The following DNAAF9 variants were observed in gnomAD, a reference collection of about 807,000 sequenced individuals.
DNAAF9 encodes shulin.
DNAAF9 carries 90 observed loss-of-function variants against 167.0 expected under a neutral mutation model. The observed-to-expected ratio is 0.54, with a 90% CI of 0.45 to 0.64. DNAAF9 has a LOEUF of 0.64. Among genes scored for constraint, DNAAF9 ranks in the 30% least tolerant of loss-of-function variants. DNAAF9 has a pLI of 0.00. For synonymous variants in DNAAF9, 491 were observed against 508.8 expected (o/e 0.96, Z 0.47); for missense variants, 1,315 against 1,442.2 (o/e 0.91, Z 1.43).
In DNAAF9 at chr20:3,375,236, G is replaced by T. The variant is rs560831250; in HGVS notation, c.409-110C>A. 3 of 711,458 alleles carry T rather than the reference G, an allele frequency of 4.2e-6. No individual in the cohort carries two copies. In the African/African-American group the frequency reaches 5.3e-5, roughly 13 times the overall value. The allele number at this position is 711,458 out of a possible 1,614,324, so 44.1% of individuals were successfully genotyped here. Reference sequence around the variant, plus strand: ...GTTGTCCCAAATGACATTTACAGAGGACTGCACCCAAGGAGGTGTTTCCAA... The same window carrying T: ...GTTGTCCCAAATGACATTTACAGAGTACTGCACCCAAGGAGGTGTTTCCAA... On this transcript the variant is annotated intron_variant, in intron 4 of 36. Coordinates refer to ENST00000252032, the MANE Select transcript of DNAAF9 (RefSeq NM_001009984.3).
Position 3,363,633 on chromosome 20 carries a change from G to A in DNAAF9, c.613-4040C>T, listed in dbSNP as rs6051796. Among the ~76,000 whole-genome samples, 986 of 151,634 alleles carry A rather than the reference G, an allele frequency of 6.5e-3. 9 individuals are homozygous for A. The highest frequency in any genetic ancestry group is 0.023 in the African/African-American group (943 of 41,282). Reference sequence around the variant, plus strand: ...TTAGGGAAGCAGAAGCAGGAGGACAGTATGAGCCCAGGAGTTCAAGACCTG... The same window carrying A: ...TTAGGGAAGCAGAAGCAGGAGGACAATATGAGCCCAGGAGTTCAAGACCTG... On this transcript the variant is annotated intron_variant, in intron 6 of 36. Transcript: ENST00000252032.
intron 2 of DNAAF9, 29 bp from the exon 3 acceptor site, chr20:3,381,527 T>G (rs370599874): frequency 6.2e-7 from 1 of 1,606,844 alleles, no homozygotes; most frequent in South Asian, 1.1e-5. Context: ...TCTGATCAGC[T>G]GTACCATACT....
intron 30 of DNAAF9, among the ~76,000 whole-genome samples, chr20:3,266,569 C>T (rs1435502878): frequency 6.6e-6 from 1 of 152,088 alleles, no homozygotes; most frequent in African/African-American, 2.4e-5. Flanking sequence ...GCTCCGCCTC[C>T]CAGGTTTACG....
chr20:3,321,589 G>C (rs770484193), intron 16 of DNAAF9, among the ~76,000 whole-genome samples: 32 of 152,118 alleles, frequency 2.1e-4, no homozygotes, highest in Non-Finnish European at 1.9e-4. Flanking sequence ...TGTTTTCTGA[G>C]ACTAAATCTC....
At chr20:3,279,573 A>C (rs2068731786) in intron 28 of DNAAF9, among the ~76,000 whole-genome samples, 1 of 152,210 alleles carries the variant, frequency 6.6e-6, no homozygotes, top group Non-Finnish European at 1.5e-5. Context: ...AAACATCATA[A>C]GGCCTGTCTC....
At chr20:3,406,505 C>T (rs1458187631) in intron 1 of DNAAF9, among the ~76,000 whole-genome samples, 1 of 152,122 alleles carries the variant, frequency 6.6e-6, no homozygotes, top group African/African-American at 2.4e-5. Flanking sequence ...CTGCTGCAAC[C>T]CCTCCATCAT....
chr20:3,382,702 G>A (rs1430627778), intron 1 of DNAAF9, among the ~76,000 whole-genome samples, 196 bp from the exon 2 acceptor site: 1 of 152,160 alleles, frequency 6.6e-6, no homozygotes, highest in Admixed American at 6.5e-5. Context: ...TTCTGGAAGA[G>A]GTTGTGCAGA....
intron 1 of DNAAF9, among the ~76,000 whole-genome samples, chr20:3,399,737 T>G (rs920230036): frequency 2.2e-4 from 33 of 152,088 alleles, no homozygotes; most frequent in African/African-American, 7.7e-4. Flanking sequence ...ATCATGGAGC[T>G]ATGGTGAATA....
chr20:3,375,049 G>T lies in DNAAF9; in HGVS notation c.486C>A (p.Gly162=). The change falls in exon 5 of 37, where the codon GGC becomes GGA. Residue 162 remains glycine (G), a synonymous_variant. Coordinates refer to ENST00000252032, the MANE Select transcript of DNAAF9 (RefSeq NM_001009984.3). ...VDMVRDCSRI[G]IPYSSQGHLQ... ...ACTCACCTTGGGAGCTGTAAGGAATGCCAATTCTACTACAGTCTCGAACCA... is the reference window on the plus strand; with the variant it reads ...ACTCACCTTGGGAGCTGTAAGGAATTCCAATTCTACTACAGTCTCGAACCA... 2 of 1,602,502 alleles carry T rather than the reference G, an allele frequency of 1.2e-6. No individual in the cohort carries two copies. Among genetic ancestry groups the T allele is most frequent in the Non-Finnish European group, 1.7e-6 (2 of 1,169,600 alleles).
At chr20:3,328,184 T>G (rs1173341400) in intron 12 of DNAAF9, among the ~76,000 whole-genome samples, 2 of 117,604 alleles carry the variant, frequency 1.7e-5, no homozygotes, top group African/African-American at 3.2e-5. Context: ...CATGGCTCTG[T>G]TTTTTTTTTT....
At chr20:3,264,342 TG>T in intron 31 of DNAAF9, 95 bp downstream of exon 31, 1 of 698,142 alleles carries the variant, frequency 1.4e-6, no homozygotes, top group Non-Finnish European at 2.6e-6. Context: ...AAAGCACATC[TG>T]GTATTTTCAC....
At position 3,278,898 on chromosome 20, in the gene DNAAF9, A is replaced by AT. The variant is rs1265924699; in HGVS notation, c.2650+13_2650+14insA. The AT allele has an allele frequency of 6.4e-7, 1 of 1,570,770 alleles. No homozygotes were observed. The highest frequency in any genetic ancestry group is 2.2e-5 in the East Asian group (1 of 44,700). On this transcript the variant is annotated intron_variant, in intron 29 of 36. Coordinates refer to ENST00000252032, the MANE Select transcript of DNAAF9 (RefSeq NM_001009984.3). ...TGCAAGGCATGCAGGCTGAAAATAA[A>AT]GTATATTACTTACCTTGTGAACACT...
chr20:3,359,205 C>T (rs897332481), intron 7 of DNAAF9, among the ~76,000 whole-genome samples: 3 of 152,264 alleles, frequency 2.0e-5, no homozygotes, highest in Admixed American at 2.0e-4. Flanking sequence ...AAGCCTTCTG[C>T]ATTGTTTTTC....
chr20:3,377,780 T>C (rs1231266595), intron 3 of DNAAF9, among the ~76,000 whole-genome samples: 1 of 152,124 alleles, frequency 6.6e-6, no homozygotes, highest in South Asian at 2.1e-4. Flanking sequence ...TTAATGTTAA[T>C]GTTGGTCAGT....
intron 1 of DNAAF9, among the ~76,000 whole-genome samples, chr20:3,390,035 C>CA (rs1162463454): frequency 0.11 from 9,279 of 87,400 alleles, 362 homozygotes; most frequent in Middle Eastern, 0.17. Context: ...GACTCCATCT[C>CA]AAAAAAAAAA....
Position 3,255,893 on chromosome 20 carries a change from GAA to G in DNAAF9, c.3261+111_3261+112del. 5.2e-6 allele frequency: 4 copies of G among 770,324 alleles called. No individual in the cohort carries two copies. In the South Asian group the frequency reaches 6.8e-5, roughly 13 times the overall value. 47.7% of individuals were successfully genotyped at this position (770,324 alleles called of 1,614,324 possible). ...CAAGTGCTGGCTGGGCCAGGGAGAG[GAA>G]GCCCAGTGGGGAGGCATCAGGGAGG... is the stretch of plus-strand genomic sequence containing the variant. On this transcript the variant is annotated intron_variant, in intron 34 of 36. Transcript: ENST00000252032.
chr20:3,272,770 T>G (rs1159057520), intron 29 of DNAAF9, among the ~76,000 whole-genome samples: 1 of 152,174 alleles, frequency 6.6e-6, no homozygotes, highest in East Asian at 1.9e-4. Context: ...TAAAAAAGAT[T>G]CAATGCTCAT....
rs535801858 is a variant in DNAAF9, at chr20:3,370,821, G to T, written c.612+3227C>A. 3.1e-3 allele frequency among the ~76,000 whole-genome samples: 477 copies of T among 152,266 alleles called. 4 individuals are homozygous for T. The highest frequency in any genetic ancestry group is 0.011 in the African/African-American group (441 of 41,554). On this transcript the variant is annotated intron_variant, in intron 6 of 36. Coordinates refer to ENST00000252032, the MANE Select transcript of DNAAF9 (RefSeq NM_001009984.3). ...AAGTGCTAGGCTTGATTACAAGTGTGAGCCACTCACCAGGCCCTTTTCAGT... is the reference window on the plus strand; with the variant it reads ...AAGTGCTAGGCTTGATTACAAGTGTTAGCCACTCACCAGGCCCTTTTCAGT...
At chr20:3,399,694 C>T (rs1311543647) in intron 1 of DNAAF9, among the ~76,000 whole-genome samples, 1 of 152,134 alleles carries the variant, frequency 6.6e-6, no homozygotes, top group Non-Finnish European at 1.5e-5. Flanking sequence ...GTCTGACAGA[C>T]ATGATGGCTG....
Sources: gnomAD v4.1 joint callset for allele counts (sites outside exome capture counted in the v4.1 genomes callset) on GRCh38, gnomAD v4.1.1 for gene constraint, MANE v1.5 for transcripts, NCBI Gene and HGNC (gene_info 2026-07-23, HGNC 2026-07-21) for gene names.